DIP2C: variants seen among roughly 807,000 people sequenced by gnomAD.
The protein encoded by DIP2C is disco-interacting protein 2 homolog C.
DIP2C carries 33 observed loss-of-function variants against 192.4 expected under a neutral mutation model. The observed-to-expected ratio is 0.17, with a 90% CI of 0.13 to 0.23. The LOEUF (loss-of-function observed/expected upper bound fraction) is 0.23, where lower values mean the gene tolerates loss of function less well. Among genes scored for constraint, DIP2C ranks in the 10% least tolerant of loss-of-function variants. The pLI, the probability that DIP2C is intolerant of heterozygous loss-of-function variation, is 1.00. For missense variants in DIP2C, 1,537 were observed against 2,110.1 expected, an observed-to-expected ratio of 0.73 and a Z score of 5.32; for synonymous variants, 979 against 864.1, an observed-to-expected ratio of 1.13 and a Z score of -2.33.
chr10:650,498 C>T (rs925894901), intron 1 of DIP2C: 1 of 699,030 alleles, frequency 1.4e-6, no homozygotes, highest in African/African-American at 1.7e-5. Flanking sequence ...TACTGGGTTC[C>T]CTATACTCTT....
chr10:490,160 C>T (rs1462629580), intron 1 of DIP2C, among the ~76,000 whole-genome samples: 1 of 122,530 alleles, frequency 8.2e-6, no homozygotes, highest in Non-Finnish European at 1.8e-5. Flanking sequence ...TGACAGTGCC[C>T]GAGCCTTCCT....
At chr10:556,666 G>A (rs1197290993) in intron 1 of DIP2C, among the ~76,000 whole-genome samples, 1 of 151,988 alleles carries the variant, frequency 6.6e-6, no homozygotes, top group African/African-American at 2.4e-5. Flanking sequence ...GCCTGGCCCT[G>A]CATCCTGTCC....
At chr10:378,475 A>G (rs1372513784) in intron 17 of DIP2C, among the ~76,000 whole-genome samples, 1 of 152,114 alleles carries the variant, frequency 6.6e-6, no homozygotes, top group African/African-American at 2.4e-5. Context: ...CTAGACAAAG[A>G]CATGCATACA....
At chr10:523,655 T>C (rs1846871457) in intron 1 of DIP2C, among the ~76,000 whole-genome samples, 1 of 140,700 alleles carries the variant, frequency 7.1e-6, no homozygotes, top group Admixed American at 7.0e-5. Context: ...TTCTACCGGA[T>C]GCAAAGGACC....
At chr10:572,024 A>C (rs1185571245) in intron 1 of DIP2C, among the ~76,000 whole-genome samples, 1 of 152,240 alleles carries the variant, frequency 6.6e-6, no homozygotes, top group African/African-American at 2.4e-5. Flanking sequence ...ATAATAAAAA[A>C]TCACTGAATT....
At chr10:418,446 G>A (rs1350796334) in intron 6 of DIP2C, among the ~76,000 whole-genome samples, 10 of 152,210 alleles carry the variant, frequency 6.6e-5, no homozygotes. Context: ...TCACCGCTAG[G>A]TTCTACCCTG....
At chr10:487,305 CAAG>C (rs1205570912) in intron 1 of DIP2C, among the ~76,000 whole-genome samples, 3 of 152,142 alleles carry the variant, frequency 2.0e-5, no homozygotes, top group Admixed American at 6.5e-5. Context: ...ACCATAATTC[CAAG>C]AAGAGTGAAA....
intron 1 of DIP2C, among the ~76,000 whole-genome samples, chr10:492,783 C>T (rs962461924): frequency 6.6e-6 from 1 of 152,130 alleles, no homozygotes; most frequent in Non-Finnish European, 1.5e-5. Flanking sequence ...CTCTTTGGTA[C>T]GTTAAGAACT....
At chr10:648,851 G>A (rs931656005) in intron 1 of DIP2C, among the ~76,000 whole-genome samples, 4 of 150,174 alleles carry the variant, frequency 2.7e-5, no homozygotes, top group African/African-American at 7.3e-5. Context: ...GGCGAGAACA[G>A]AGGAAAACTG....
chr10:485,206 AGCGTCCGTG>A (rs1398431757), intron 2 of DIP2C, among the ~76,000 whole-genome samples: 1 of 152,226 alleles, frequency 6.6e-6, no homozygotes, highest in Non-Finnish European at 1.5e-5. Context: ...TAAAACCAAC[AGCGTCCGTG>A]GCCTACAGTC....
At chr10:595,287 T>C (rs1851638963) in intron 1 of DIP2C, among the ~76,000 whole-genome samples, 1 of 152,214 alleles carries the variant, frequency 6.6e-6, no homozygotes, top group Non-Finnish European at 1.5e-5. Context: ...TCTTATTAGT[T>C]CCTATTTTCC....
chr10:574,846 A>G (rs950711815), intron 1 of DIP2C, among the ~76,000 whole-genome samples: 59 of 152,336 alleles, frequency 3.9e-4, no homozygotes, highest in African/African-American at 1.3e-3. Context: ...TCTGGTGTTC[A>G]ATGCTTTGTA....
At chr10:602,813 C>G (rs1852181843) in intron 1 of DIP2C, among the ~76,000 whole-genome samples, 1 of 152,166 alleles carries the variant, frequency 6.6e-6, no homozygotes, top group African/African-American at 2.4e-5. Context: ...GGTGTCGATC[C>G]TTTTTCGCAG....
rs1830635968 is a variant in DIP2C, at chr10:671,464, C to T, written c.85+18030G>A. On this transcript the variant is annotated intron_variant, in intron 1 of 36. Transcript: ENST00000280886. ...ACGGACGGAGGAAACAGACCACAGG[C>T]GCACGGACGGAGGAAACGCCACAGA... is the stretch of plus-strand genomic sequence containing the variant. Among the ~76,000 whole-genome samples the T allele has an allele frequency of 1.6e-5, 2 of 125,564 alleles. 1 individual carries two copies. The highest frequency in any genetic ancestry group is 1.6e-4 in the Admixed American group (2 of 12,654). 82.4% of individuals were successfully genotyped at this position (125,564 alleles called of 152,430 possible). A position where few individuals can be genotyped will look rare whatever the true frequency, so the allele number is the denominator to read the frequency against.
At chr10:546,688 G>C (rs918299479) in intron 1 of DIP2C, among the ~76,000 whole-genome samples, 1 of 152,190 alleles carries the variant, frequency 6.6e-6, no homozygotes, top group African/African-American at 2.4e-5. Flanking sequence ...AAGCGGACTG[G>C]TCTGTCCTGC....
At chr10:334,131 ACT>A (rs775070528) in intron 29 of DIP2C, among the ~76,000 whole-genome samples, 1 of 151,920 alleles carries the variant, frequency 6.6e-6, no homozygotes, top group Non-Finnish European at 1.5e-5. Context: ...ATGGCAAAAC[ACT>A]GTCTCTACTA....
chr10:427,464 C>T lies in DIP2C; in HGVS notation c.395-4431G>A, dbSNP rs1227307351. On this transcript the variant is annotated intron_variant, in intron 4 of 36. Transcript: ENST00000280886. The stretch of plus-strand genomic sequence containing the variant: ...TCTTGGGGGAGGGTCATTATTCTGT[C>T]TGCTACAGAACAGTTTGTCCTTTCA... Among the ~76,000 whole-genome samples the T allele has an allele frequency of 2.0e-5, 3 of 152,172 alleles. No individual in the cohort carries two copies. The East Asian group carries it at 5.8e-4, about 29-fold the overall frequency.
chr10:668,468 C>T (rs1857249265), intron 1 of DIP2C: 1 of 152,208 alleles, frequency 6.6e-6, no homozygotes, highest in Admixed American at 6.5e-5. Flanking sequence ...ACACATACAA[C>T]ACTCATACAA....
At chr10:479,509 A>G (rs1234655063) in intron 2 of DIP2C, among the ~76,000 whole-genome samples, 1 of 151,568 alleles carries the variant, frequency 6.6e-6, no homozygotes, top group East Asian at 1.9e-4. Context: ...AATTTTTAAT[A>G]TTTTTTAGTA....
Sources: allele counts gnomAD v4.1 joint callset (sites outside exome capture counted in the v4.1 genomes callset), GRCh38; gene constraint gnomAD v4.1.1; transcripts MANE v1.5; gene names NCBI Gene and HGNC (gene_info 2026-07-23, HGNC 2026-07-21).